Variants in RABL6 observed in about 807,000 individuals in gnomAD.
RABL6 encodes the protein rab-like protein 6.
In RABL6, 28 loss-of-function variants were observed where a neutral mutation model predicts 72.9. That is an observed-to-expected ratio of 0.38 (90% confidence interval 0.28 to 0.53). The LOEUF (loss-of-function observed/expected upper bound fraction) is 0.53, where lower values mean the gene tolerates loss of function less well. Among genes scored for constraint, RABL6 ranks in the 20% least tolerant of loss-of-function variants. The pLI, the probability that RABL6 is intolerant of heterozygous loss-of-function variation, is 0.80. For missense variants in RABL6, 1,029 were observed against 1,008.4 expected (o/e 1.02, Z -0.28); for synonymous variants, 477 against 421.2 (o/e 1.13, Z -1.62).
At chr9:136,831,960 A>C in intron 6 of RABL6, 99 bp downstream of exon 6, 1 of 1,453,868 alleles carries the variant, frequency 6.9e-7, no homozygotes. Context: ...TAACGTTAGC[A>C]TGGGGCCCGG....
chr9:136,822,073 G>A lies in RABL6; in HGVS notation c.131-1452G>A, dbSNP rs757633555. ...TGGGAACAGGTGCCTTGAGGTAGAG[G>A]GAGGGGACTGGGCCAGGAGAGAGGA... On this transcript the variant is annotated intron_variant, in intron 1 of 14. Transcript: ENST00000311502. 5.4e-5 allele frequency: 69 copies of A among 1,289,210 alleles called. 1 individual carries two copies. In the South Asian group the frequency reaches 7.7e-4, roughly 14 times the overall value. 79.9% of individuals were successfully genotyped at this position (1,289,210 alleles called of 1,614,324 possible).
intron 1 of RABL6, chr9:136,813,206 G>A: frequency 1.9e-6 from 1 of 513,432 alleles, no homozygotes; most frequent in Non-Finnish European, 3.7e-6. Flanking sequence ...CAGCCTGATT[G>A]CCCTGCCCCC....
At position 136,837,463 on chromosome 9, in the gene RABL6, G is replaced by T; in HGVS notation, c.927G>T (p.Thr309=). 6.4e-7 allele frequency: 1 copy of T among 1,559,248 alleles called. No individual in the cohort carries two copies. Among genetic ancestry groups the T allele is most frequent in the Non-Finnish European group, 8.7e-7 (1 of 1,155,082 alleles). ...SPVVPAGAVS[T]GSSSPGTPQP... ...TGGTGCCTGCAGGCGCTGTGTCCAC[G>T]GGGAGCTCCAGCCCCGGCACACCCC... is the stretch of plus-strand genomic sequence containing the variant. Residue 309 remains threonine, a synonymous_variant, in exon 9 of 15, where the codon ACG becomes ACT. Coordinates refer to ENST00000311502, the MANE Select transcript of RABL6 (RefSeq NM_024718.5).
At position 136,840,902 on chromosome 9, in the gene RABL6, G is replaced by A; in HGVS notation, c.*380G>A. ...TGGGGTGTGCGCTGCCCCGGCACCT[G>A]CTTGCCCTCCGCGCTCATCTGGGGC... On this transcript the variant is annotated 3_prime_UTR_variant, in exon 15 of 15. Transcript: ENST00000311502. 1.3e-6 allele frequency: 2 copies of A among 1,503,502 alleles called. No individual in the cohort carries two copies. The highest frequency in any genetic ancestry group is 2.5e-5 in the East Asian group (1 of 40,280). The allele number at this position is 1,503,502 out of a possible 1,614,324, so 93.1% of individuals were successfully genotyped here.
chr9:136,831,969 G>A lies in RABL6; in HGVS notation c.599+108G>A, dbSNP rs572876438. On this transcript the variant is annotated intron_variant, in intron 6 of 14. Transcript: ENST00000311502. Reference sequence around the variant, plus strand: ...AGGGGTTAACGTTAGCATGGGGCCCGGCGGATGTGGGTCTCGCCGCTGAGT... The same window carrying A: ...AGGGGTTAACGTTAGCATGGGGCCCAGCGGATGTGGGTCTCGCCGCTGAGT... The A allele has an allele frequency of 3.2e-5, 46 of 1,418,304 alleles. No homozygotes were observed. In the South Asian group the frequency reaches 3.3e-4, roughly 10 times the overall value. 87.9% of individuals were successfully genotyped at this position (1,418,304 alleles called of 1,614,324 possible).
intron 2 of RABL6, among the ~76,000 whole-genome samples, chr9:136,824,326 G>GTTTTTTTTT (rs34760204): frequency 1.3e-5 from 1 of 75,052 alleles, no homozygotes; most frequent in Non-Finnish European, 2.5e-5. Flanking sequence ...GTTTGGTTGG[G>GTTTTTTTTT]TTTTTTTTTT....
At chr9:136,830,845 T>A (rs1213843202) in intron 5 of RABL6, 1 of 152,566 alleles carries the variant, frequency 6.6e-6, no homozygotes, top group Admixed American at 6.5e-5. Flanking sequence ...GCGATGCCTA[T>A]GGTAGCAATG....
rs930200515 is a variant in RABL6 at position 136,841,053 on chromosome 9, C to G, written c.*531C>G. On this transcript the variant is annotated 3_prime_UTR_variant, in exon 15 of 15. Transcript: ENST00000311502. ...AGACCGAAGGCAGCATGTGAGGCCT[C>G]TCCTGGGAGTGGGGGTTGTGTTTCC... The G allele has an allele frequency of 7.0e-7, 1 of 1,419,798 alleles. No homozygotes were observed. Among genetic ancestry groups the G allele is most frequent in the African/African-American group, 1.4e-5 (1 of 69,036 alleles). The allele number at this position is 1,419,798 out of a possible 1,614,324, so 88.0% of individuals were successfully genotyped here.
Position 136,823,599 on chromosome 9 carries a change from G to T in RABL6, c.205G>T (p.Val69Leu), listed in dbSNP as rs745817863. 34 of 1,613,664 alleles carry T rather than the reference G, an allele frequency of 2.1e-5. No homozygotes were observed. The Admixed American group carries it at 5.5e-4, about 26-fold the overall frequency. Residue 69 changes from valine to leucine, a missense_variant, in exon 2 of 15, where the codon GTG becomes TTG. This residue lies in a region of RABL6 where 434 missense variants were observed against 536.1 expected (regional missense o/e 0.81). Coordinates refer to ENST00000311502, the MANE Select transcript of RABL6 (RefSeq NM_024718.5). The stretch of plus-strand genomic sequence containing the variant: ...GCACCGCCTGCAGGGCCGGCCGTTC[G>T]TGGAGGAGTACATCCCCACACAGGA... ...LWHRLQGRPFVEEYIPTQEIQ... is the reference protein window; with the variant it reads ...LWHRLQGRPFLEEYIPTQEIQ...
intron 3 of RABL6, 105 bp downstream of exon 3, chr9:136,825,931 G>C: frequency 4.4e-6 from 6 of 1,351,754 alleles, no homozygotes; most frequent in South Asian, 1.2e-5. Context: ...CACCATCCTC[G>C]TGGACGGTGC....
At chr9:136,823,400 C>T (rs1385782708) in intron 1 of RABL6, 125 bp from the exon 2 acceptor site, 7 of 1,331,088 alleles carry the variant, frequency 5.3e-6, no homozygotes, top group Non-Finnish European at 6.1e-6. Flanking sequence ...GTCACCTGGT[C>T]TGATTCTAGC....
At chr9:136,814,743 C>G (rs1371536243) in intron 1 of RABL6, 1 of 151,580 alleles carries the variant, frequency 6.6e-6, no homozygotes, top group Admixed American at 6.6e-5. Context: ...AGAGTGAGAC[C>G]CTGTCTTAAA....
intron 1 of RABL6, among the ~76,000 whole-genome samples, chr9:136,823,242 C>CCTCCAAGTAGAAAGCCTGACCTGG (rs372080929): frequency 1.3e-5 from 2 of 152,048 alleles, no homozygotes; most frequent in Non-Finnish European, 2.9e-5. Context: ...AGAACCACGT[C>CCTCCAAGTAGAAAGCCTGACCTGG]CTCCAAGTAG....
Position 136,838,979 on chromosome 9 carries a change from C to G in RABL6, c.1351C>G (p.Pro451Ala). The change falls in exon 11 of 15, where the codon CCA becomes GCA. Residue 451 changes from proline to alanine, a missense_variant. Transcript: ENST00000311502. Reference sequence around the variant, plus strand: ...GGACGATGTGGACCTCGAAGACCAGCCACGTGGGAGTCCCCCGCTGCCTGC... The same window carrying G: ...GGACGATGTGGACCTCGAAGACCAGGCACGTGGGAGTCCCCCGCTGCCTGC... ...FQDDVDLEDQPRGSPPLPAGP... is the reference protein window; with the variant it reads ...FQDDVDLEDQARGSPPLPAGP... The G allele has an allele frequency of 6.2e-7, 1 of 1,611,602 alleles. No homozygotes were observed.
chr9:136,817,257 A>T (rs781364923), intron 1 of RABL6, among the ~76,000 whole-genome samples: 7 of 152,196 alleles, frequency 4.6e-5, no homozygotes, highest in South Asian at 4.1e-4. Context: ...TACAAGTTCC[A>T]GAAGGAGAAG....
In RABL6 at chr9:136,833,498, G is replaced by C. The variant is rs1469525703; in HGVS notation, c.705+1128G>C. The C allele has an allele frequency of 2.0e-5, 12 of 605,936 alleles. 1 individual carries two copies. The highest frequency in any genetic ancestry group is 1.5e-4 in the South Asian group (8 of 52,576). 37.5% of individuals were successfully genotyped at this position (605,936 alleles called of 1,614,324 possible). A position where few individuals can be genotyped will look rare whatever the true frequency, so the allele number is the denominator to read the frequency against. On this transcript the variant is annotated intron_variant, in intron 7 of 14. Transcript: ENST00000311502. ...CTGGGCTGCCCCGCCTGGGTCTGGG[G>C]GACCTGAACCTCCTCGCCCTGGGCT...
rs1213555504 is a variant in RABL6, at chr9:136,826,437, T to C, written c.313+611T>C. On this transcript the variant is annotated intron_variant, in intron 3 of 14. Coordinates refer to ENST00000311502, the MANE Select transcript of RABL6 (RefSeq NM_024718.5). The surrounding 1 kb of genome is among the most constrained non-coding windows in gnomAD (Gnocchi z 4.9). ...GGCTGGCCACGTGCACGCCCCGGCC[T>C]CACAGGCCTGGCTGTGGCCTCGTTA... Among the ~76,000 whole-genome samples, 6 of 152,110 alleles carry C rather than the reference T, an allele frequency of 3.9e-5. No individual in the cohort carries two copies. The highest frequency in any genetic ancestry group is 7.4e-5 in the Non-Finnish European group (5 of 68,018).
intron 7 of RABL6, among the ~76,000 whole-genome samples, chr9:136,834,970 CAAA>C (rs781136835): frequency 8.5e-6 from 1 of 117,480 alleles, no homozygotes; most frequent in Non-Finnish European, 1.8e-5. Context: ...AAAGATGATT[CAAA>C]AAAAAAAAAA....
In RABL6 at chr9:136,839,376, G is replaced by A. The variant is rs1158580328; in HGVS notation, c.1648G>A (p.Ala550Thr). 13 of 1,612,574 alleles carry A rather than the reference G, an allele frequency of 8.1e-6. No individual in the cohort carries two copies. The highest frequency in any genetic ancestry group is 2.2e-5 in the East Asian group (1 of 44,868). Residue 550 changes from alanine to threonine, a missense_variant, in exon 12 of 15, where the codon GCC (alanine) becomes ACC (threonine). Transcript: ENST00000311502. The part of the protein sequence containing the change: ...AEMEPGKGEQ[A>T]SSSESDPEGP... ...GATGGAGCCGGGGAAGGGTGAGCAG[G>A]CCTCCTCGTCGGAGAGTGACCCCGA...
Sources: gnomAD v4.1 joint callset for allele counts (sites outside exome capture counted in the v4.1 genomes callset) on GRCh38, gnomAD v4.1.1 for gene constraint, gnomAD v4.1.1 regional missense constraint, Gnocchi (gnomAD v3.1) non-coding constraint, MANE v1.5 for transcripts, NCBI Gene and HGNC (gene_info 2026-07-23, HGNC 2026-07-21) for gene names.